The following HS6ST1 variants were observed in gnomAD, a reference collection of about 807,000 sequenced individuals.
The protein encoded by HS6ST1 is heparan-sulfate 6-O-sulfotransferase 1.
HS6ST1 carries 3 observed loss-of-function variants against 25.2 expected under a neutral mutation model. The observed-to-expected ratio is 0.12, with a 90% CI of 0.05 to 0.31. The LOEUF is 0.31. Among genes scored for constraint, HS6ST1 ranks in the 10% least tolerant of loss-of-function variants. The pLI, the probability that HS6ST1 is intolerant of heterozygous loss-of-function variation, is 1.00. For missense variants in HS6ST1, 310 were observed against 609.6 expected (o/e 0.51, Z 5.18); for synonymous variants, 204 against 275.1 (o/e 0.74, Z 2.56).
chr2:128,278,276 G>A (rs577021783), intron 1 of HS6ST1, among the ~76,000 whole-genome samples: 23 of 152,362 alleles, frequency 1.5e-4, no homozygotes, highest in Non-Finnish European at 3.1e-4. Flanking sequence ...CTGCCTTCGA[G>A]TGCTGATCTG....
chr2:128,276,810 C>T (rs148273789), intron 1 of HS6ST1, among the ~76,000 whole-genome samples: 1 of 152,136 alleles, frequency 6.6e-6, no homozygotes, highest in East Asian at 1.9e-4. Flanking sequence ...CAATCCCCTG[C>T]TACCTCCAGG....
At chr2:128,299,134 T>A (rs1313823381) in intron 1 of HS6ST1, among the ~76,000 whole-genome samples, 2 of 152,258 alleles carry the variant, frequency 1.3e-5, no homozygotes, top group East Asian at 3.8e-4. Context: ...CCAGTTTCTG[T>A]TCTTTGCAGG....
At chr2:128,287,316 C>T (rs1693879030) in intron 1 of HS6ST1, among the ~76,000 whole-genome samples, 2 of 152,206 alleles carry the variant, frequency 1.3e-5, no homozygotes, top group South Asian at 4.1e-4. Flanking sequence ...GCAGGTGAGG[C>T]CCCTTCCCCT....
At chr2:128,302,201 G>A (rs1001426455) in intron 1 of HS6ST1, among the ~76,000 whole-genome samples, 2 of 152,194 alleles carry the variant, frequency 1.3e-5, no homozygotes, top group African/African-American at 4.8e-5. Context: ...GGTGTAACTA[G>A]GGGAGGATAC....
chr2:128,268,653 G>A lies in HS6ST1; in HGVS notation c.745C>T (p.Arg249Cys), dbSNP rs3958533. Reference protein sequence around the residue: ...MDCPYNLANNRQVRMLADLSL... With the variant: ...MDCPYNLANNCQVRMLADLSL... ...AGGTCGGCCAGCATGCGCACCTGGC[G>A]GTTGTTGGCCAGGTTGTACGGGCAG... The change falls in exon 2 of 2, where the codon CGC becomes TGC. Residue 249 changes from arginine (R) to cysteine (C), a missense_variant. Arg to Cys is a radical substitution (Grantham distance 180). This residue lies in a region of HS6ST1 where 98 missense variants were observed against 270.3 expected (regional missense o/e 0.36). Transcript: ENST00000259241. 8.6e-6 allele frequency: 12 copies of A among 1,397,662 alleles called. No individual in the cohort carries two copies. Among genetic ancestry groups the A allele is most frequent in the East Asian group, 2.4e-5 (1 of 41,136 alleles). 86.6% of individuals were successfully genotyped at this position (1,397,662 alleles called of 1,614,324 possible).
At chr2:128,314,088 T>C (rs1694328842) in intron 1 of HS6ST1, among the ~76,000 whole-genome samples, 1 of 152,164 alleles carries the variant, frequency 6.6e-6, no homozygotes, top group Non-Finnish European at 1.5e-5. Context: ...GTCCTGTTCA[T>C]TGGCCCCAGT....
intron 1 of HS6ST1, among the ~76,000 whole-genome samples, chr2:128,273,714 G>A (rs1233308575): frequency 6.6e-6 from 1 of 152,222 alleles, no homozygotes; most frequent in Non-Finnish European, 1.5e-5. Flanking sequence ...CCTGTGCTCC[G>A]TCCTCTTTCC....
chr2:128,302,512 G>C (rs1473298470), intron 1 of HS6ST1, among the ~76,000 whole-genome samples: 2 of 152,078 alleles, frequency 1.3e-5, no homozygotes, highest in African/African-American at 4.8e-5. Flanking sequence ...GTTCCCCAAG[G>C]GTGGACCCAG....
chr2:128,309,160 G>A (rs1254906838), intron 1 of HS6ST1, among the ~76,000 whole-genome samples: 9 of 152,214 alleles, frequency 5.9e-5, no homozygotes, highest in African/African-American at 2.2e-4. Flanking sequence ...CCCGAGGTGG[G>A]TCTTGGCCAG....
At chr2:128,284,085 C>A (rs2104919668) in intron 1 of HS6ST1, among the ~76,000 whole-genome samples, 1 of 152,264 alleles carries the variant, frequency 6.6e-6, no homozygotes, top group East Asian at 1.9e-4. Flanking sequence ...ACTTCCAGGG[C>A]CCCACAGCCA....
chr2:128,281,389 G>GA (rs1190577193), intron 1 of HS6ST1, among the ~76,000 whole-genome samples: 1 of 152,228 alleles, frequency 6.6e-6, no homozygotes, highest in Non-Finnish European at 1.5e-5. Context: ...AAACAGTGCA[G>GA]AAAGTCCCTG....
Position 128,267,938 on chromosome 2 carries a change from C to G in HS6ST1, c.*224G>C, listed in dbSNP as rs572225637. 3.3e-6 allele frequency: 2 copies of G among 601,290 alleles called. No individual in the cohort carries two copies. The highest frequency in any genetic ancestry group is 5.9e-6 in the Non-Finnish European group (2 of 338,130). 37.2% of individuals were successfully genotyped at this position (601,290 alleles called of 1,614,324 possible). On this transcript the variant is annotated 3_prime_UTR_variant, in exon 2 of 2. Coordinates refer to ENST00000259241, the MANE Select transcript of HS6ST1 (RefSeq NM_004807.3). ...GCCCTGCCCTGACCATGGCATCCTT[C>G]GAGCACGCTTTCCTCTGACCCACTG...
chr2:128,306,673 G>A (rs1573708230), intron 1 of HS6ST1, among the ~76,000 whole-genome samples: 2 of 152,194 alleles, frequency 1.3e-5, no homozygotes, highest in Non-Finnish European at 2.9e-5. Flanking sequence ...TGGCAGCAGG[G>A]GTACTGCAAA....
Position 128,268,691 on chromosome 2 carries a change from T to C in HS6ST1, c.707A>G (p.Gln236Arg), listed in dbSNP as rs1399177657. 2.5e-6 allele frequency: 4 copies of C among 1,611,938 alleles called. No homozygotes were observed. Among genetic ancestry groups the C allele is most frequent in the Admixed American group, 1.7e-5 (1 of 60,028 alleles). Residue 236 changes from glutamine to arginine, a missense_variant, in exon 2 of 2, where the codon CAG becomes CGG. Gln to Arg is a conservative substitution (Grantham distance 43). Around this residue, in one of 5 missense-constraint regions of HS6ST1, gnomAD observed 98 missense variants for 270.3 expected, o/e 0.36. Transcript: ENST00000259241. The part of the protein sequence containing the change: ...EGTDWSGCTL[Q>R]EFMDCPYNLA... Reference sequence around the variant, plus strand: ...GTTGTACGGGCAGTCCATGAACTCCTGTAGCGTGCAGCCCGACCAGTCCGT... The same window carrying C: ...GTTGTACGGGCAGTCCATGAACTCCCGTAGCGTGCAGCCCGACCAGTCCGT...
At chr2:128,311,411 T>A (rs1694288350) in intron 1 of HS6ST1, among the ~76,000 whole-genome samples, 1 of 152,068 alleles carries the variant, frequency 6.6e-6, no homozygotes, top group African/African-American at 2.4e-5. Flanking sequence ...ATGCAGCCCT[T>A]CCAGTGGGGC....
rs145454625 is a variant in HS6ST1 at position 128,286,004 on chromosome 2, C to A, written c.528-17134G>T. 1.1e-3 allele frequency among the ~76,000 whole-genome samples: 170 copies of A among 152,300 alleles called. 3 individuals are homozygous for A. The East Asian group carries it at 0.031, about 27-fold the overall frequency. ...CCAGCTGTCCTGTGTGGCCTGGGGA[C>A]AGTCACCCTGGCCCCTCTGAGCCCC... On this transcript the variant is annotated intron_variant, in intron 1 of 1. Transcript: ENST00000259241.
In HS6ST1 at chr2:128,318,236, C is replaced by A. The variant is rs1019026467; in HGVS notation, c.328G>T (p.Val110Leu). 8 of 1,559,216 alleles carry A rather than the reference C, an allele frequency of 5.1e-6. No individual in the cohort carries two copies. The highest frequency in any genetic ancestry group is 2.3e-5 in the South Asian group (2 of 88,540). Residue 110 changes from valine (V) to leucine (L), a missense_variant, in exon 1 of 2, where the codon GTA becomes TTA. By Grantham distance (32) the Val-to-Leu change is conservative (BLOSUM62 1). Around this residue, in one of 5 missense-constraint regions of HS6ST1, gnomAD observed 98 missense variants for 270.3 expected, o/e 0.36. Transcript: ENST00000259241. The surrounding 1 kb of genome is among the most constrained non-coding windows in gnomAD (Gnocchi z 5.7). Reference sequence around the variant, plus strand: ...CAGTCGCACGGCACCTCGAGGCGTACGTTCTGCACGAGGTGGCGGCCGAAG... The same window carrying A: ...CAGTCGCACGGCACCTCGAGGCGTAAGTTCTGCACGAGGTGGCGGCCGAAG... ...TTFGRHLVQNVRLEVPCDCRP... is the reference protein window; with the variant it reads ...TTFGRHLVQNLRLEVPCDCRP...
At chr2:128,272,449 T>C (rs1693622648) in intron 1 of HS6ST1, among the ~76,000 whole-genome samples, 1 of 152,198 alleles carries the variant, frequency 6.6e-6, no homozygotes, top group Non-Finnish European at 1.5e-5. Flanking sequence ...GGGCCGGCTC[T>C]AGTAGCCCCA....
intron 1 of HS6ST1, among the ~76,000 whole-genome samples, chr2:128,280,242 G>A (rs770184535): frequency 1.3e-5 from 2 of 152,344 alleles, no homozygotes; most frequent in East Asian, 1.9e-4. Context: ...GGTGGAAGCC[G>A]CTGAGCGCCC....
Sources: gnomAD v4.1 joint callset for allele counts (sites outside exome capture counted in the v4.1 genomes callset) on GRCh38, gnomAD v4.1.1 for gene constraint, gnomAD v4.1.1 regional missense constraint, Gnocchi (gnomAD v3.1) non-coding constraint, MANE v1.5 for transcripts, NCBI Gene and HGNC (gene_info 2026-07-23, HGNC 2026-07-21) for gene names.